ZSWIM6: variants seen among roughly 807,000 people sequenced by gnomAD.
The protein encoded by ZSWIM6 is zinc finger SWIM-type containing 6, also known as zinc finger SWIM domain-containing protein 6.
ZSWIM6 carries 9 observed loss-of-function variants against 113.2 expected under a neutral mutation model. That is an observed-to-expected ratio of 0.08 (90% CI 0.05 to 0.14). The LOEUF (loss-of-function observed/expected upper bound fraction) is 0.14. Among genes scored for constraint, ZSWIM6 ranks in the 10% least tolerant of loss-of-function variants. The pLI is 1.00. For missense variants in ZSWIM6, 1,162 were observed against 1,552.2 expected (o/e 0.75, Z 4.22); for synonymous variants, 611 against 606.5 (o/e 1.01, Z -0.11).
chr5:61,474,189 T>A (rs181279315), intron 2 of ZSWIM6, among the ~76,000 whole-genome samples: 1 of 152,220 alleles, frequency 6.6e-6, no homozygotes, highest in African/African-American at 2.4e-5. Context: ...TTGACATTAT[T>A]AAACATTGGT....
rs1471025971 is a variant in ZSWIM6 at position 61,333,330 on chromosome 5, TGGCGGGGCTGTGCGG to T, written c.676+390_676+404del. ...GGCCGGCCTCCGGCGAGGGTGTGTG[TGGCGGGGCTGTGCGG>T]GGCGGGGGAGGGGGCGCGGGCCGCA... On this transcript the variant is annotated intron_variant, in intron 1 of 13. Coordinates refer to ENST00000252744, the MANE Select transcript of ZSWIM6 (RefSeq NM_020928.2). Among the ~76,000 whole-genome samples the T allele has an allele frequency of 7.9e-5, 12 of 150,956 alleles. No individual in the cohort carries two copies. The East Asian group carries it at 2.0e-3, about 25-fold the overall frequency.
At chr5:61,526,465 C>G (rs918692061) in intron 7 of ZSWIM6, 69 bp downstream of exon 7, 18 of 1,511,358 alleles carry the variant, frequency 1.2e-5, no homozygotes, top group Non-Finnish European at 1.6e-5. Flanking sequence ...GTTTTGTGTT[C>G]TGGGAGAGAT....
intron 4 of ZSWIM6, among the ~76,000 whole-genome samples, chr5:61,514,245 A>G (rs570992087): frequency 1.3e-5 from 2 of 150,638 alleles, no homozygotes; most frequent in South Asian, 2.1e-4. Flanking sequence ...TAGCATATAT[A>G]TCTACAGTTT....
At chr5:61,417,707 T>A (rs922992378) in intron 1 of ZSWIM6, among the ~76,000 whole-genome samples, 2 of 152,260 alleles carry the variant, frequency 1.3e-5, no homozygotes, top group Non-Finnish European at 2.9e-5. Context: ...GTTAAGGACT[T>A]TTGTTTTGAA....
chr5:61,420,754 A>G (rs1579987688), intron 1 of ZSWIM6, among the ~76,000 whole-genome samples: 1 of 152,318 alleles, frequency 6.6e-6, no homozygotes, highest in East Asian at 1.9e-4. Flanking sequence ...AACATGTAAT[A>G]ATCACATCAG....
At chr5:61,380,490 AT>A (rs1745452034) in intron 1 of ZSWIM6, among the ~76,000 whole-genome samples, 2 of 152,218 alleles carry the variant, frequency 1.3e-5, no homozygotes, top group Non-Finnish European at 1.5e-5. Context: ...AATATGTAGT[AT>A]CCACTCATAG....
intron 1 of ZSWIM6, among the ~76,000 whole-genome samples, chr5:61,456,325 G>A (rs1429085572): frequency 6.6e-6 from 1 of 152,044 alleles, no homozygotes; most frequent in African/African-American, 2.4e-5. Context: ...ATATTTTAAG[G>A]CTAATACTTC....
intron 1 of ZSWIM6, among the ~76,000 whole-genome samples, chr5:61,433,989 A>G (rs985510220): frequency 1.3e-5 from 2 of 148,614 alleles, no homozygotes; most frequent in Non-Finnish European, 3.0e-5. Context: ...ATATCTGTAT[A>G]ATATATATGT....
intron 2 of ZSWIM6, among the ~76,000 whole-genome samples, chr5:61,485,133 G>A (rs1205155251): frequency 1.3e-5 from 2 of 152,080 alleles, no homozygotes; most frequent in African/African-American, 2.4e-5. Context: ...GTGGCTGGGT[G>A]TTAGGAAGCA....
intron 1 of ZSWIM6, among the ~76,000 whole-genome samples, chr5:61,350,968 T>A (rs1481307479): frequency 1.3e-5 from 2 of 152,214 alleles, no homozygotes; most frequent in Non-Finnish European, 2.9e-5. Flanking sequence ...ATTCTTCTAG[T>A]TTTCTGTATT....
intron 2 of ZSWIM6, among the ~76,000 whole-genome samples, chr5:61,478,188 A>C (rs1028715028): frequency 2.0e-5 from 3 of 152,228 alleles, no homozygotes; most frequent in African/African-American, 7.2e-5. Flanking sequence ...TATAATTAGC[A>C]AATATATTCT....
At chr5:61,387,316 TTTAA>T (rs1324152170) in intron 1 of ZSWIM6, among the ~76,000 whole-genome samples, 1 of 152,222 alleles carries the variant, frequency 6.6e-6, no homozygotes, top group Non-Finnish European at 1.5e-5. Context: ...TTACGATTAT[TTTAA>T]TTATCACCCC....
intron 3 of ZSWIM6, among the ~76,000 whole-genome samples, chr5:61,493,896 T>C (rs1357256351): frequency 6.6e-6 from 1 of 152,152 alleles, no homozygotes; most frequent in Non-Finnish European, 1.5e-5. Flanking sequence ...ACTGGACATA[T>C]GAAACACGAT....
intron 3 of ZSWIM6, 122 bp from the exon 4 acceptor site, chr5:61,494,138 A>ACT: frequency 1.8e-6 from 2 of 1,083,368 alleles, no homozygotes; most frequent in Non-Finnish European, 2.7e-6. Context: ...ACACACACAC[A>ACT]CACACACGGA....
intron 1 of ZSWIM6, among the ~76,000 whole-genome samples, chr5:61,452,033 C>A (rs1747096053): frequency 6.6e-6 from 1 of 152,150 alleles, no homozygotes; most frequent in Non-Finnish European, 1.5e-5. Context: ...GTTACTGGTA[C>A]TCTTGGAGCC....
intron 1 of ZSWIM6, among the ~76,000 whole-genome samples, chr5:61,400,076 C>T (rs1485186678): frequency 1.3e-5 from 2 of 152,118 alleles, no homozygotes; most frequent in Non-Finnish European, 1.5e-5. Flanking sequence ...CATTACATCT[C>T]CATTTGTCTG....
chr5:61,443,773 C>T (rs1746888162), intron 1 of ZSWIM6, among the ~76,000 whole-genome samples: 1 of 152,030 alleles, frequency 6.6e-6, no homozygotes, highest in Admixed American at 6.6e-5. Flanking sequence ...CATTTTTTCC[C>T]TGCAGTTTAC....
intron 10 of ZSWIM6, among the ~76,000 whole-genome samples, chr5:61,536,659 G>C (rs1191285057): frequency 6.6e-6 from 1 of 152,144 alleles, no homozygotes; most frequent in Non-Finnish European, 1.5e-5. Context: ...TGAAAGTATT[G>C]AGTGTAGCTT....
chr5:61,449,327 ATTCT>A, intron 1 of ZSWIM6, among the ~76,000 whole-genome samples: 1 of 152,184 alleles, frequency 6.6e-6, no homozygotes, highest in Non-Finnish European at 1.5e-5. Context: ...GTAATGAAGC[ATTCT>A]TTATTAGGCT....
Sources: allele counts gnomAD v4.1 joint callset (sites outside exome capture counted in the v4.1 genomes callset), GRCh38; gene constraint gnomAD v4.1.1; transcripts MANE v1.5; gene names NCBI Gene and HGNC (gene_info 2026-07-23, HGNC 2026-07-21).